Variants in PCDHA3 observed in about 807,000 individuals in gnomAD.
PCDHA3 encodes the protein protocadherin alpha-3.
Under a neutral mutation model 62.2 loss-of-function variants are expected in PCDHA3, and 41 were observed. That is an observed-to-expected ratio of 0.66 (90% confidence interval 0.51 to 0.86). PCDHA3 has a LOEUF of 0.86. PCDHA3 is among the 40% of genes least tolerant of loss of function. The pLI is 0.00. For missense variants in PCDHA3, 1,304 were observed against 1,241.2 expected, an observed-to-expected ratio of 1.05 and a Z score of -0.76; for synonymous variants, 640 against 555.4, an observed-to-expected ratio of 1.15 and a Z score of -2.14.
Position 140,996,044 on chromosome 5 carries a change from A to G in PCDHA3, c.2542+13481A>G, listed in dbSNP as rs569475149. Among the ~76,000 whole-genome samples, 13 of 152,366 alleles carry G rather than the reference A, an allele frequency of 8.5e-5. No homozygotes were observed. The South Asian group carries it at 1.9e-3, about 22-fold the overall frequency. Reference sequence around the variant, plus strand: ...GTTTAATGCTCCTAGCACTTAACACAGTGCTTGGCACACAGTAAAGAGGAT... The same window carrying G: ...GTTTAATGCTCCTAGCACTTAACACGGTGCTTGGCACACAGTAAAGAGGAT... On this transcript the variant is annotated intron_variant, in intron 3 of 3. Coordinates refer to ENST00000522353, the MANE Select transcript of PCDHA3 (RefSeq NM_018906.3).
At chr5:140,843,639 GC>G in intron 1 of PCDHA3, 1 of 1,595,772 alleles carries the variant, frequency 6.3e-7, no homozygotes, top group Non-Finnish European at 8.6e-7. Flanking sequence ...ATGGCCTTCA[GC>G]CCCTGCCTTC....
chr5:140,919,609 CT>C (rs2079218169), intron 1 of PCDHA3, among the ~76,000 whole-genome samples: 2 of 151,908 alleles, frequency 1.3e-5, no homozygotes, highest in South Asian at 4.1e-4. Flanking sequence ...AAATTTTAAA[CT>C]GTATCTTTTG....
intron 1 of PCDHA3, chr5:140,882,142 G>T: frequency 1.3e-6 from 2 of 1,488,266 alleles, no homozygotes; most frequent in Non-Finnish European, 1.8e-6. Flanking sequence ...AGAAAATATA[G>T]CAGAAAGCGG....
intron 1 of PCDHA3, among the ~76,000 whole-genome samples, chr5:140,902,684 A>G (rs1173996816): frequency 6.6e-6 from 1 of 152,100 alleles, no homozygotes; most frequent in Non-Finnish European, 1.5e-5. Flanking sequence ...ACCGTACCTA[A>G]TATGTGTAGT....
chr5:140,959,424 G>A (rs957625236), intron 1 of PCDHA3, among the ~76,000 whole-genome samples: 1 of 152,104 alleles, frequency 6.6e-6, no homozygotes, highest in Non-Finnish European at 1.5e-5. Context: ...CTGAGAATTT[G>A]TGTATTTTTT....
chr5:140,808,241 T>C, intron 1 of PCDHA3: 9 of 1,614,244 alleles, frequency 5.6e-6, no homozygotes, highest in Non-Finnish European at 7.6e-6. Flanking sequence ...AGATTTGGAA[T>C]TCAAGTCTTT....
At chr5:140,849,808 C>T (rs2150450895) in intron 1 of PCDHA3, 6 of 1,598,320 alleles carry the variant, frequency 3.8e-6, no homozygotes, top group South Asian at 1.1e-5. Flanking sequence ...CTGTGGGCCA[C>T]GGCCAGGGTG....
At chr5:140,966,314 G>C (rs1255868901) in intron 1 of PCDHA3, 2 of 388,054 alleles carry the variant, frequency 5.2e-6, no homozygotes, top group Middle Eastern at 6.5e-4. Flanking sequence ...GTGTTCCTGC[G>C]GTCCGCTGGG....
intron 1 of PCDHA3, among the ~76,000 whole-genome samples, chr5:140,831,996 A>G (rs1771793071): frequency 6.6e-6 from 1 of 152,198 alleles, no homozygotes; most frequent in Non-Finnish European, 1.5e-5. Context: ...CGGATTCCAT[A>G]TTGTTTTCAT....
At chr5:140,848,742 A>G in intron 1 of PCDHA3, 2 of 1,593,114 alleles carry the variant, frequency 1.3e-6, no homozygotes, top group Admixed American at 3.4e-5. Context: ...GCAGAATGGC[A>G]TTTTGTTTGT....
At position 140,857,142 on chromosome 5, in the gene PCDHA3, G is replaced by A. The variant is rs782455438; in HGVS notation, c.2394+53551G>A. On this transcript the variant is annotated intron_variant, in intron 1 of 3. Transcript: ENST00000522353. ...CCAGTGAAAGAAGATGCTCAAGTGGGCACCGTCATTGCCCTAATCAGCGTT... is the reference window on the plus strand; with the variant it reads ...CCAGTGAAAGAAGATGCTCAAGTGGACACCGTCATTGCCCTAATCAGCGTT... 4 of 1,598,268 alleles carry A rather than the reference G, an allele frequency of 2.5e-6. No homozygotes were observed. The highest frequency in any genetic ancestry group is 3.4e-5 in the Admixed American group (2 of 59,268).
At chr5:140,844,014 G>A (rs2150368262) in intron 1 of PCDHA3, among the ~76,000 whole-genome samples, 4 of 149,646 alleles carry the variant, frequency 2.7e-5, no homozygotes, top group Admixed American at 2.0e-4. Context: ...CTCTAAGGAC[G>A]TTCAGGGCAT....
At chr5:140,864,250 T>G (rs2048388075) in intron 1 of PCDHA3, 1 of 152,242 alleles carries the variant, frequency 6.6e-6, no homozygotes, top group Non-Finnish European at 1.5e-5. Flanking sequence ...ATTCATTTTC[T>G]TATTCTGATT....
At chr5:140,867,783 G>A (rs1426151534) in intron 1 of PCDHA3, 1 of 152,002 alleles carries the variant, frequency 6.6e-6, no homozygotes, top group Non-Finnish European at 1.5e-5. Flanking sequence ...AGCAATTCCT[G>A]TATTTTACTT....
At chr5:140,983,865 GC>G (rs2097073239) in intron 3 of PCDHA3, among the ~76,000 whole-genome samples, 1 of 152,120 alleles carries the variant, frequency 6.6e-6, no homozygotes, top group Admixed American at 6.5e-5. Context: ...GCAGCTAAGG[GC>G]CCATTTTTAC....
At chr5:140,886,042 A>G (rs1450330062) in intron 1 of PCDHA3, among the ~76,000 whole-genome samples, 1 of 152,222 alleles carries the variant, frequency 6.6e-6, no homozygotes, top group African/African-American at 2.4e-5. Context: ...GTTTTCCCCA[A>G]TAGTAACATC....
intron 1 of PCDHA3, chr5:140,877,686 G>T (rs1554169986): frequency 6.2e-7 from 1 of 1,613,818 alleles, no homozygotes; most frequent in Non-Finnish European, 8.5e-7. Flanking sequence ...GCAAGCCCAC[G>T]CTGGTGTGCT....
At chr5:141,006,119 T>C (rs1327328997) in intron 3 of PCDHA3, among the ~76,000 whole-genome samples, 14 of 152,070 alleles carry the variant, frequency 9.2e-5, no homozygotes, top group South Asian at 4.2e-4. Context: ...TTTTTTTTTT[T>C]CTCAAGGCAG....
chr5:140,966,486 C>G (rs1563351032), intron 1 of PCDHA3: 1 of 432,846 alleles, frequency 2.3e-6, no homozygotes. Context: ...CTTTTCCCTC[C>G]CCCTGGAGCT....
Sources: gnomAD v4.1 joint callset for allele counts (sites outside exome capture counted in the v4.1 genomes callset) on GRCh38, gnomAD v4.1.1 for gene constraint, MANE v1.5 for transcripts, NCBI Gene and HGNC (gene_info 2026-07-23, HGNC 2026-07-21) for gene names.